LIMCH1: variants seen among roughly 807,000 people sequenced by gnomAD.
LIMCH1 encodes the protein LIM and calponin homology domains-containing protein 1.
A neutral mutation model predicts 176.5 loss-of-function variants in LIMCH1; 113 were observed. The ratio of observed to expected loss-of-function variants is 0.64; its 90% confidence interval spans 0.55 to 0.75. The LOEUF (loss-of-function observed/expected upper bound fraction) is 0.75. Among genes scored for constraint, LIMCH1 ranks in the 30% least tolerant of loss-of-function variants. The pLI, the probability that LIMCH1 is intolerant of heterozygous loss-of-function variation, is 0.00. For synonymous variants in LIMCH1, 619 were observed against 645.9 expected (o/e 0.96, Z 0.63); for missense variants, 1,674 against 1,814.9 (o/e 0.92, Z 1.41).
At position 41,644,310 on chromosome 4, in the gene LIMCH1, G is replaced by C. The variant is rs543185401; in HGVS notation, c.2127-190G>C. ...TTTGGCGTTTGCGGCAAAAGGAGGC[G>C]GTGGGGTGCCAGCACGCCCACCGCC... is the stretch of plus-strand genomic sequence containing the variant. On this transcript the variant is annotated intron_variant, in intron 14 of 31. Coordinates refer to ENST00000503057, the MANE Select transcript of LIMCH1 (RefSeq NM_001330672.2). Among the ~76,000 whole-genome samples, 204 of 152,204 alleles carry C rather than the reference G, an allele frequency of 1.3e-3. 2 individuals carry two copies. The highest frequency in any genetic ancestry group is 4.9e-3 in the African/African-American group (202 of 41,528).
At position 41,419,709 on chromosome 4, in the gene LIMCH1, T is replaced by TCCTTCCTTCCTTCCG. The variant is rs1165654590; in HGVS notation, c.96+58773_96+58774insCCTTCCTTCCTTCCG. On this transcript the variant is annotated intron_variant, in intron 1 of 26. Coordinates refer to the LIMCH1 transcript ENST00000313860. Reference sequence around the variant, plus strand: ...CTTCCTTCCTTCCTTCCTTCCTTCCTTCCTTCCTTCCTCCTTCCTTTCTTC... The same window carrying TCCTTCCTTCCTTCCG: ...CTTCCTTCCTTCCTTCCTTCCTTCCTCCTTCCTTCCTTCCGTCCTTCCTTCCTCCTTCCTTTCTTC... Among the ~76,000 whole-genome samples, 7 of 116,594 alleles carry TCCTTCCTTCCTTCCG rather than the reference T, an allele frequency of 6.0e-5. 2 individuals are homozygous for TCCTTCCTTCCTTCCG. Among genetic ancestry groups the TCCTTCCTTCCTTCCG allele is most frequent in the African/African-American group, 2.7e-4 (6 of 22,030 alleles). 76.5% of individuals were successfully genotyped at this position (116,594 alleles called of 152,430 possible).
chr4:41,368,978 G>A (rs1444528140), intron 1 of LIMCH1, among the ~76,000 whole-genome samples: 1 of 152,236 alleles, frequency 6.6e-6, no homozygotes, highest in Non-Finnish European at 1.5e-5. Flanking sequence ...TTGCTTTTCA[G>A]TGAGGGAAGA....
intron 1 of LIMCH1, among the ~76,000 whole-genome samples, chr4:41,439,382 T>C (rs1280339468): frequency 6.6e-6 from 1 of 152,112 alleles, no homozygotes; most frequent in East Asian, 1.9e-4. Flanking sequence ...GCCCAGGAGT[T>C]TGAGACCAGC....
intron 1 of LIMCH1, among the ~76,000 whole-genome samples, chr4:41,474,744 C>T (rs1016815791): frequency 6.6e-6 from 1 of 152,096 alleles, no homozygotes; most frequent in African/African-American, 2.4e-5. Context: ...ATTAGTATAG[C>T]CATTTTGGAA....
intron 2 of LIMCH1, among the ~76,000 whole-genome samples, chr4:41,505,905 T>C (rs1038702765): frequency 5.8e-5 from 8 of 139,118 alleles, no homozygotes; most frequent in African/African-American, 1.4e-4. Flanking sequence ...GTCAGTATTA[T>C]TCTCTCTCTC....
chr4:41,642,253 G>A (rs1456008063), intron 14 of LIMCH1, among the ~76,000 whole-genome samples: 1 of 152,138 alleles, frequency 6.6e-6, no homozygotes, highest in African/African-American at 2.4e-5. Context: ...TAAGATCTTA[G>A]CAAAGATTAT....
In LIMCH1 at chr4:41,697,234, T is replaced by TC; in HGVS notation, c.*53dup. ...ACTCACCATTTCTTTACTGAGAGTGTCCCCTGGCAACTGCTTAACAAAATC... is the reference window on the plus strand; with the variant it reads ...ACTCACCATTTCTTTACTGAGAGTGTCCCCCTGGCAACTGCTTAACAAAATC... On this transcript the variant is annotated 3_prime_UTR_variant, in exon 32 of 32. Coordinates refer to ENST00000503057, the MANE Select transcript of LIMCH1 (RefSeq NM_001330672.2). 6.3e-7 allele frequency: 1 copy of TC among 1,580,324 alleles called. No homozygotes were observed. Among genetic ancestry groups the TC allele is most frequent in the Non-Finnish European group, 8.7e-7 (1 of 1,150,072 alleles).
intron 1 of LIMCH1, among the ~76,000 whole-genome samples, chr4:41,553,173 T>C (rs1037184176): frequency 6.6e-6 from 1 of 152,214 alleles, no homozygotes; most frequent in African/African-American, 2.4e-5. Flanking sequence ...GATTTAGTTC[T>C]GTTATCATGT....
At chr4:41,418,760 A>G (rs889902746) in intron 1 of LIMCH1, 3 of 151,920 alleles carry the variant, frequency 2.0e-5, no homozygotes, top group Non-Finnish European at 4.4e-5. Context: ...TGACCATGAA[A>G]CTCTGTTAAC....
At chr4:41,629,958 A>C (rs2093224761) in intron 9 of LIMCH1, among the ~76,000 whole-genome samples, 1 of 151,238 alleles carries the variant, frequency 6.6e-6, no homozygotes, top group Non-Finnish European at 1.5e-5. Context: ...GGCCCATGCC[A>C]CTATGCCTGG....
chr4:41,391,911 TA>T (rs2057287618), intron 1 of LIMCH1, among the ~76,000 whole-genome samples: 1 of 152,208 alleles, frequency 6.6e-6, no homozygotes, highest in Non-Finnish European at 1.5e-5. Flanking sequence ...TATGGTTAGA[TA>T]AGATGTTAAT....
At chr4:41,417,721 AC>A (rs1402375083) in intron 1 of LIMCH1, among the ~76,000 whole-genome samples, 1 of 151,722 alleles carries the variant, frequency 6.6e-6, no homozygotes, top group Non-Finnish European at 1.5e-5. Flanking sequence ...ATGTGGTTTC[AC>A]CATGTTGCCC....
At chr4:41,452,934 A>G (rs1327774757) in intron 1 of LIMCH1, among the ~76,000 whole-genome samples, 1 of 152,194 alleles carries the variant, frequency 6.6e-6, no homozygotes, top group Admixed American at 6.5e-5. Context: ...CACCCACGGT[A>G]CCGGTGCCAT....
intron 3 of LIMCH1, among the ~76,000 whole-genome samples, chr4:41,528,828 G>C (rs1461012329): frequency 3.3e-5 from 5 of 152,210 alleles, no homozygotes; most frequent in Admixed American, 6.5e-5. Flanking sequence ...AACATATGTA[G>C]ATTTACAAAG....
chr4:41,411,631 T>G (rs1458099259), intron 1 of LIMCH1, among the ~76,000 whole-genome samples: 1 of 151,468 alleles, frequency 6.6e-6, no homozygotes, highest in Non-Finnish European at 1.5e-5. Flanking sequence ...ACTCTTGTGG[T>G]CCACCATCTG....
chr4:41,481,847 T>A (rs1262214373), intron 1 of LIMCH1, among the ~76,000 whole-genome samples: 1 of 151,136 alleles, frequency 6.6e-6, no homozygotes, highest in East Asian at 1.9e-4. Flanking sequence ...TGTGAAATAG[T>A]TGTTTTTTTT....
Position 41,692,327 on chromosome 4 carries a change from G to T in LIMCH1, c.4321G>T (p.Asp1441Tyr). The T allele has an allele frequency of 6.2e-7, 1 of 1,613,678 alleles. No individual in the cohort carries two copies. Among genetic ancestry groups the T allele is most frequent in the Non-Finnish European group, 8.5e-7 (1 of 1,179,656 alleles). The change falls in exon 31 of 32, where the codon GAT becomes TAT. Residue 1441 changes from aspartate (D) to tyrosine (Y), a missense_variant. Asp to Tyr is a radical substitution (Grantham distance 160). Coordinates refer to ENST00000503057, the MANE Select transcript of LIMCH1 (RefSeq NM_001330672.2). The stretch of plus-strand genomic sequence containing the variant: ...GCTTGGAGATGCAGTGAGTGGGACG[G>T]ATGTTAGGATTCGAAATGGTCTCCT... The part of the protein sequence containing the change: ...GQLGDAVSGT[D>Y]VRIRNGLLNC...
chr4:41,572,132 G>A (rs1037739991), intron 1 of LIMCH1, among the ~76,000 whole-genome samples: 4 of 152,202 alleles, frequency 2.6e-5, no homozygotes, highest in South Asian at 2.1e-4. Flanking sequence ...AACGTTAGCT[G>A]CTGAGCTGAA....
Position 41,405,044 on chromosome 4 carries a change from G to A in LIMCH1, c.96+44108G>A, listed in dbSNP as rs73811199. The stretch of plus-strand genomic sequence containing the variant: ...TGTCAATTTTTAGTTGCACTCAGGA[G>A]CAGCCTTTTGTTTGCATGTTTATTT... On this transcript the variant is annotated intron_variant, in intron 1 of 26. Coordinates refer to the LIMCH1 transcript ENST00000313860. 1.5e-4 allele frequency among the ~76,000 whole-genome samples: 23 copies of A among 152,176 alleles called. 1 individual carries two copies. Among genetic ancestry groups the A allele is most frequent in the African/African-American group, 5.3e-4 (22 of 41,516 alleles).
Sources: gnomAD v4.1 joint callset for allele counts (sites outside exome capture counted in the v4.1 genomes callset) on GRCh38, gnomAD v4.1.1 for gene constraint, MANE v1.5 for transcripts, NCBI Gene and HGNC (gene_info 2026-07-23, HGNC 2026-07-21) for gene names.